Variants in C12orf42 observed in about 807,000 individuals in gnomAD.
The protein encoded by C12orf42 is uncharacterized protein C12orf42.
C12orf42 carries 25 observed loss-of-function variants against 21.6 expected under a neutral mutation model. That is an observed-to-expected ratio of 1.16 (90% CI 0.84 to 1.62). C12orf42 has a LOEUF of 1.62. Among genes scored for constraint, C12orf42 ranks in the 40% most tolerant of loss-of-function variants. C12orf42 has a pLI of 0.00. For missense variants in C12orf42, 483 were observed against 459.3 expected, an observed-to-expected ratio of 1.05 and a Z score of -0.47; for synonymous variants, 174 against 175.0, an observed-to-expected ratio of 0.99 and a Z score of 0.05.
intron 4 of C12orf42, among the ~76,000 whole-genome samples, chr12:103,291,013 C>T (rs1345312937): frequency 6.6e-6 from 1 of 151,506 alleles, no homozygotes; most frequent in East Asian, 1.9e-4. Context: ...ACACTTGTAC[C>T]CCTAAATTTA....
chr12:103,250,358 C>T (rs998448841), intron 10 of C12orf42, among the ~76,000 whole-genome samples: 3 of 151,994 alleles, frequency 2.0e-5, no homozygotes, highest in Admixed American at 2.0e-4. Flanking sequence ...AGCCCCAGAG[C>T]TAACATCTTT....
At chr12:103,091,674 C>A in the C12orf42 span, among the ~76,000 whole-genome samples, 1 of 152,164 alleles carries the variant, frequency 6.6e-6, no homozygotes, top group South Asian at 2.1e-4. Flanking sequence ...GTTATTTATG[C>A]ATCAGTTACC....
At chr12:103,177,121 G>GC in the C12orf42 span, among the ~76,000 whole-genome samples, 1 of 116,108 alleles carries the variant, frequency 8.6e-6, no homozygotes, top group Non-Finnish European at 1.9e-5. Flanking sequence ...AAAGGCAAAT[G>GC]GAAAAAAAAA....
chr12:103,385,576 T>TACTC (rs10695331), intron 3 of C12orf42, among the ~76,000 whole-genome samples: 102,329 of 151,598 alleles, frequency 0.68, 34,695 homozygotes, highest in Admixed American at 0.75. Context: ...ATCCATATAA[T>TACTC]AATAATGTTT....
intron 4 of C12orf42, among the ~76,000 whole-genome samples, chr12:103,332,089 A>G (rs1474706982): frequency 6.6e-6 from 1 of 152,218 alleles, no homozygotes; most frequent in East Asian, 1.9e-4. Context: ...GGAAGTATAA[A>G]GAAAAGAGGT....
intron 4 of C12orf42, among the ~76,000 whole-genome samples, chr12:103,363,156 G>T (rs2044265441): frequency 6.6e-6 from 1 of 152,144 alleles, no homozygotes; most frequent in South Asian, 2.1e-4. Context: ...TTTCTCAGCA[G>T]AAACCTGACA....
At chr12:103,241,091 C>T (rs1282022909) in intron 10 of C12orf42, among the ~76,000 whole-genome samples, 1 of 151,172 alleles carries the variant, frequency 6.6e-6, no homozygotes, top group Non-Finnish European at 1.5e-5. Flanking sequence ...AGAGGGCATA[C>T]TTATTGACAA....
intron 2 of C12orf42, among the ~76,000 whole-genome samples, chr12:103,434,194 C>T (rs904090488): frequency 6.6e-6 from 1 of 152,176 alleles, no homozygotes; most frequent in Non-Finnish European, 1.5e-5. Flanking sequence ...GAGCTTCTTT[C>T]CCCAACAGCT....
downstream of C12orf42, among the ~76,000 whole-genome samples, chr12:103,300,534 ACTT>A (rs2037579203): frequency 6.6e-6 from 1 of 152,126 alleles, no homozygotes; most frequent in Non-Finnish European, 1.5e-5. Flanking sequence ...AGGAATTTGC[ACTT>A]CTACAGCTGA....
intron 3 of C12orf42, among the ~76,000 whole-genome samples, chr12:103,391,276 T>C (rs992896073): frequency 6.3e-4 from 96 of 152,162 alleles, no homozygotes; most frequent in African/African-American, 2.1e-3. Context: ...TTTCTCTGTT[T>C]TCGATTATTT....
At chr12:103,057,692 T>A in the C12orf42 span, among the ~76,000 whole-genome samples, 1 of 152,148 alleles carries the variant, frequency 6.6e-6, no homozygotes, top group East Asian at 1.9e-4. Context: ...AGTAGAATGA[T>A]TTATAATCCT....
intron 10 of C12orf42, among the ~76,000 whole-genome samples, chr12:103,254,921 A>C (rs2034483995): frequency 2.6e-5 from 4 of 152,238 alleles, no homozygotes. Context: ...AACTTAAAAT[A>C]GAAATTAAAA....
At chr12:103,113,972 A>AT in the C12orf42 span, among the ~76,000 whole-genome samples, 2 of 152,138 alleles carry the variant, frequency 1.3e-5, no homozygotes, top group South Asian at 4.1e-4. Flanking sequence ...AACAGTTTAG[A>AT]TTTTTTTGTT....
At chr12:103,294,434 GAA>G (rs762128642) in intron 4 of C12orf42, among the ~76,000 whole-genome samples, 2 of 95,718 alleles carry the variant, frequency 2.1e-5, no homozygotes, top group African/African-American at 5.5e-5. Context: ...GAGAGAGAAA[GAA>G]AGAAAGAAAG....
intron 4 of C12orf42, among the ~76,000 whole-genome samples, chr12:103,353,972 C>T (rs982022262): frequency 6.6e-6 from 1 of 152,096 alleles, no homozygotes; most frequent in African/African-American, 2.4e-5. Flanking sequence ...AGTTACCCAG[C>T]AAGGCTCAAT....
At chr12:103,341,129 A>AAAAAAAG (rs1566111100) in intron 4 of C12orf42, among the ~76,000 whole-genome samples, 2 of 150,460 alleles carry the variant, frequency 1.3e-5, no homozygotes, top group African/African-American at 2.4e-5. Flanking sequence ...AAAAAAAAAA[A>AAAAAAAG]AAAAAAGACA....
At chr12:103,339,084 C>G (rs972396893) in intron 4 of C12orf42, among the ~76,000 whole-genome samples, 1 of 152,140 alleles carries the variant, frequency 6.6e-6, no homozygotes. Flanking sequence ...GATTTAGAAT[C>G]CTTTCCTTTT....
At chr12:103,503,860 G>T in the C12orf42 span, 1,032 of 153,844 alleles carry the variant, frequency 6.7e-3, 9 homozygotes, top group Non-Finnish European at 0.01. Flanking sequence ...GCTGTATTGG[G>T]GTCTCATGTG....
the C12orf42 span, among the ~76,000 whole-genome samples, chr12:103,070,793 A>AT: frequency 6.6e-6 from 1 of 152,060 alleles, no homozygotes; most frequent in Non-Finnish European, 1.5e-5. Flanking sequence ...TCTTGCTATG[A>AT]TTTTCTTTGT....
Sources: gnomAD v4.1 joint callset for allele counts (sites outside exome capture counted in the v4.1 genomes callset) on GRCh38, gnomAD v4.1.1 for gene constraint, MANE v1.5 for transcripts, NCBI Gene and HGNC (gene_info 2026-07-23, HGNC 2026-07-21) for gene names.